Variants in QTRT2 observed in about 807,000 individuals in gnomAD.
QTRT2 encodes the protein queuine tRNA-ribosyltransferase accessory subunit 2, also known as queuine tRNA-ribosyltransferase domain containing 1.
A neutral mutation model predicts 44.8 loss-of-function variants in QTRT2; 32 were observed. The observed-to-expected ratio is 0.71, with a 90% confidence interval of 0.54 to 0.96. QTRT2 has a LOEUF of 0.96. Among genes scored for constraint, QTRT2 ranks in the 40% least tolerant of loss-of-function variants. The pLI, the probability that QTRT2 is intolerant of heterozygous loss-of-function variation, is 0.00. For synonymous variants in QTRT2, 182 were observed against 187.4 expected (o/e 0.97, Z 0.24); for missense variants, 461 against 503.1 (o/e 0.92, Z 0.80).
rs754328601 is a variant in QTRT2 at position 114,076,805 on chromosome 3, G to A, written c.609G>A (p.Leu203=). The change falls in exon 7 of 10, where the codon CTG becomes CTA. Residue 203 remains leucine (L), a synonymous_variant. Transcript: ENST00000281273. ...GTGGAGATGTGATGGAAGAGAGGCT[G>A]AGGTCAGCACGAGAGACAGCCAAGC... ...IEGGDVMEER[L]RSARETAKRP... 3 of 1,614,082 alleles carry A rather than the reference G, an allele frequency of 1.9e-6. No homozygotes were observed. In the African/African-American group the frequency reaches 4.0e-5, roughly 22 times the overall value.
intron 6 of QTRT2, among the ~76,000 whole-genome samples, chr3:114,074,756 C>T (rs1447917963): frequency 6.6e-6 from 1 of 152,106 alleles, no homozygotes; most frequent in East Asian, 1.9e-4. Flanking sequence ...ATTACATACA[C>T]ATAATTAATA....
intron 7 of QTRT2, chr3:114,078,821 G>A (rs1303845501): frequency 6.6e-6 from 1 of 152,126 alleles, no homozygotes; most frequent in Non-Finnish European, 1.5e-5. Flanking sequence ...GGAGCATTTT[G>A]GATTTCAGAT....
chr3:114,060,796 C>G (rs2076876762), intron 2 of QTRT2, among the ~76,000 whole-genome samples: 1 of 152,170 alleles, frequency 6.6e-6, no homozygotes, highest in African/African-American at 2.4e-5. Context: ...GCCAGCATCA[C>G]AACTCTTGTG....
At position 114,073,932 on chromosome 3, in the gene QTRT2, C is replaced by G. The variant is rs184284177; in HGVS notation, c.547-2811C>G. Among the ~76,000 whole-genome samples, 4 of 152,354 alleles carry G rather than the reference C, an allele frequency of 2.6e-5. No individual in the cohort carries two copies. The East Asian group carries it at 7.7e-4, about 29-fold the overall frequency. On this transcript the variant is annotated intron_variant, in intron 6 of 9. Coordinates refer to ENST00000281273, the MANE Select transcript of QTRT2 (RefSeq NM_024638.4). Reference sequence around the variant, plus strand: ...CATGATTCCCTCCCTGTCTTATTGACTGGCTCCTCTTATTCTGAATGCCCT... The same window carrying G: ...CATGATTCCCTCCCTGTCTTATTGAGTGGCTCCTCTTATTCTGAATGCCCT...
chr3:114,060,863 A>G (rs767978459), intron 2 of QTRT2, among the ~76,000 whole-genome samples: 41 of 152,304 alleles, frequency 2.7e-4, no homozygotes, highest in Non-Finnish European at 5.4e-4. Flanking sequence ...ACTGCAATAC[A>G]GTGACGGTTG....
rs2077184350 is a variant in QTRT2, at chr3:114,082,805, T to A, written c.1016+11T>A. 2 of 1,274,338 alleles carry A rather than the reference T, an allele frequency of 1.6e-6. No individual in the cohort carries two copies. The highest frequency in any genetic ancestry group is 3.0e-5 in the African/African-American group (2 of 66,250). 78.9% of individuals were successfully genotyped at this position (1,274,338 alleles called of 1,614,324 possible). On this transcript the variant is annotated intron_variant, in intron 9 of 9. Transcript: ENST00000281273. ...TCTGAAGGAAAAAAAGTAAGAAATT[T>A]TTAAAAGTTTGGATTTTGCTTTCTG...
chr3:114,056,787 ATT>A lies in QTRT2; in HGVS notation c.-204_-203del, dbSNP rs1278999325. On this transcript the variant is annotated 5_prime_UTR_variant, in exon 1 of 10. Transcript: ENST00000281273. ...GGAGGCAGTGATTTTGGGGCAGAGA[ATT>A]TTGCAACACGTGGTAGTGAACTGTG... is the stretch of plus-strand genomic sequence containing the variant. The A allele has an allele frequency of 6.6e-7, 1 of 1,521,568 alleles. No homozygotes were observed. The highest frequency in any genetic ancestry group is 8.8e-7 in the Non-Finnish European group (1 of 1,137,946). 94.3% of individuals were successfully genotyped at this position (1,521,568 alleles called of 1,614,324 possible).
rs141327017 is a variant in QTRT2, at chr3:114,082,941, A to G, written c.1016+147A>G. ...TAGGCCTTCTCAAATTCGATTTCAA[A>G]AAAACTCTTTATTTTCTTCAGATGA... On this transcript the variant is annotated intron_variant, in intron 9 of 9. Coordinates refer to ENST00000281273, the MANE Select transcript of QTRT2 (RefSeq NM_024638.4). The G allele has an allele frequency of 4.7e-3, 2,944 of 631,358 alleles. 32 individuals carry two copies. The highest frequency in any genetic ancestry group is 6.0e-3 in the Non-Finnish European group (2,060 of 343,968). 39.1% of individuals were successfully genotyped at this position (631,358 alleles called of 1,614,324 possible).
At chr3:114,071,570 A>G (rs916691921) in intron 6 of QTRT2, among the ~76,000 whole-genome samples, 1 of 152,162 alleles carries the variant, frequency 6.6e-6, no homozygotes, top group African/African-American at 2.4e-5. Flanking sequence ...AAGTGCTGGG[A>G]TTACAGGCTT....
In QTRT2 at chr3:114,085,867, C is replaced by T. The variant is rs1284998833; in HGVS notation, c.1211C>T (p.Ala404Val). ...IREALKSDKL[A>V]QLKELIHRQA... ...GAAGCACTAAAAAGTGACAAACTGG[C>T]ACAGTTGAAAGAGCTCATCCACAGG... The change falls in exon 10 of 10, where the codon GCA becomes GTA. Residue 404 changes from alanine (A) to valine (V), a missense_variant. Coordinates refer to ENST00000281273, the MANE Select transcript of QTRT2 (RefSeq NM_024638.4). The T allele has an allele frequency of 1.2e-6, 2 of 1,614,122 alleles. No homozygotes were observed. Among genetic ancestry groups the T allele is most frequent in the African/African-American group, 1.3e-5 (1 of 75,032 alleles).
intron 6 of QTRT2, among the ~76,000 whole-genome samples, chr3:114,076,347 T>G (rs1388405470): frequency 5.3e-5 from 8 of 152,072 alleles, no homozygotes; most frequent in Non-Finnish European, 1.2e-4. Context: ...TGTTTTTTTA[T>G]TTTTTGTAGA....
chr3:114,066,666 GAA>G (rs2076957895), intron 4 of QTRT2: 1 of 160,826 alleles, frequency 6.2e-6, no homozygotes, highest in African/African-American at 2.4e-5. Context: ...AAAACCCAGA[GAA>G]AGGATTCTTG....
chr3:114,067,836 G>A, intron 4 of QTRT2, 151 bp from the exon 5 acceptor site: 1 of 589,648 alleles, frequency 1.7e-6, no homozygotes, highest in East Asian at 2.9e-5. Context: ...ATATTGATAG[G>A]CCTTCTCTAA....
rs2077012437 is a variant in QTRT2 at position 114,070,636 on chromosome 3, T to C, written c.344T>C (p.Val115Ala). Residue 115 changes from valine (V) to alanine (A), a missense_variant, in exon 6 of 10, where the codon GTG becomes GCG. Coordinates refer to ENST00000281273, the MANE Select transcript of QTRT2 (RefSeq NM_024638.4). Reference protein sequence around the residue: ...AGYVTNKSVSVWSVAGRVEMT... With the variant: ...AGYVTNKSVSAWSVAGRVEMT... ...TTTGCTCCATGGCAGTCTGTGTCTG[T>C]GTGGAGTGTTGCAGGACGAGTGGAA... 4 of 1,614,072 alleles carry C rather than the reference T, an allele frequency of 2.5e-6. No individual in the cohort carries two copies. The highest frequency in any genetic ancestry group is 3.4e-6 in the Non-Finnish European group (4 of 1,179,932).
Position 114,056,873 on chromosome 3 carries a change from C to G in QTRT2, c.-130+9C>G. Reference sequence around the variant, plus strand: ...GAATGGTTTGTTGGCAGGTAAGTGCCCCTTTGCCCTGCTGGTGTGGGAGCT... The same window carrying G: ...GAATGGTTTGTTGGCAGGTAAGTGCGCCTTTGCCCTGCTGGTGTGGGAGCT... On this transcript the variant is annotated intron_variant, in intron 1 of 9. Coordinates refer to ENST00000281273, the MANE Select transcript of QTRT2 (RefSeq NM_024638.4). 2 of 1,535,788 alleles carry G rather than the reference C, an allele frequency of 1.3e-6. No homozygotes were observed. The highest frequency in any genetic ancestry group is 1.7e-6 in the Non-Finnish European group (2 of 1,146,728).
At chr3:114,060,499 G>GGT (rs1559946046) in intron 2 of QTRT2, among the ~76,000 whole-genome samples, 5,462 of 44,886 alleles carry the variant, frequency 0.12, 104 homozygotes, top group Admixed American at 0.17. Flanking sequence ...TAGGTAGGTA[G>GGT]ATAGATAGAT....
chr3:114,068,708 A>G (rs967846335), intron 5 of QTRT2, among the ~76,000 whole-genome samples: 8 of 152,190 alleles, frequency 5.3e-5, no homozygotes, highest in Admixed American at 1.3e-4. Context: ...GTTTTTACTC[A>G]TTCTCCTGTT....
chr3:114,058,500 ATCT>A (rs1454327961), intron 2 of QTRT2, among the ~76,000 whole-genome samples: 1 of 152,034 alleles, frequency 6.6e-6, no homozygotes, highest in Non-Finnish European at 1.5e-5. Context: ...CCTTGGAAAA[ATCT>A]TCATTTACTG....
chr3:114,085,713 T>A lies in QTRT2; in HGVS notation c.1057T>A (p.Cys353Ser). 6.2e-7 allele frequency: 1 copy of A among 1,614,214 alleles called. No homozygotes were observed. The highest frequency in any genetic ancestry group is 8.5e-7 in the Non-Finnish European group (1 of 1,180,028). Residue 353 changes from cysteine (C) to serine (S), a missense_variant, in exon 10 of 10, where the codon TGT becomes AGT. Physicochemically the swap from Cys to Ser is moderately radical, Grantham distance 112 (BLOSUM62 -1). Transcript: ENST00000281273. ...DFNPLVRGCS[C>S]YCCKNHTRAY... ...TAACCCGCTGGTGAGAGGATGTTCCTGTTACTGCTGTAAGAATCACACTCG... is the reference window on the plus strand; with the variant it reads ...TAACCCGCTGGTGAGAGGATGTTCCAGTTACTGCTGTAAGAATCACACTCG...
Sources: gnomAD v4.1 joint callset for allele counts (sites outside exome capture counted in the v4.1 genomes callset) on GRCh38, gnomAD v4.1.1 for gene constraint, MANE v1.5 for transcripts, NCBI Gene and HGNC (gene_info 2026-07-23, HGNC 2026-07-21) for gene names.